Variants in XKR4 observed in about 807,000 individuals in gnomAD.
XKR4 encodes the protein XK related 4.
Under a neutral mutation model 53.9 loss-of-function variants are expected in XKR4, and 12 were observed. The observed-to-expected ratio is 0.22, with a 90% confidence interval of 0.14 to 0.36. The LOEUF (loss-of-function observed/expected upper bound fraction) is 0.36. Ranked by LOEUF, XKR4 falls within the 10% of genes least tolerant of loss-of-function variation. The pLI is 1.00. For synonymous variants in XKR4, 354 were observed against 362.4 expected, an observed-to-expected ratio of 0.98 and a Z score of 0.26; for missense variants, 799 against 859.5, an observed-to-expected ratio of 0.93 and a Z score of 0.88.
At chr8:55,234,289 A>G (rs1026118418) in intron 1 of XKR4, among the ~76,000 whole-genome samples, 3 of 152,348 alleles carry the variant, frequency 2.0e-5, no homozygotes, top group Middle Eastern at 3.4e-3. Context: ...AAAGTAGTGC[A>G]AAATCAGATT....
intron 1 of XKR4, among the ~76,000 whole-genome samples, chr8:55,295,810 A>G (rs1003580842): frequency 6.8e-6 from 1 of 147,732 alleles, no homozygotes; most frequent in African/African-American, 2.7e-5. Context: ...TGACGAGCTT[A>G]TAAATGGGGG....
At chr8:55,447,377 A>C (rs2129395693) in intron 2 of XKR4, among the ~76,000 whole-genome samples, 1 of 152,304 alleles carries the variant, frequency 6.6e-6, no homozygotes, top group Admixed American at 6.5e-5. Context: ...CTCTTGGTAG[A>C]TGGACACTAC....
chr8:55,330,061 A>C (rs901505016), intron 1 of XKR4, among the ~76,000 whole-genome samples: 4 of 152,168 alleles, frequency 2.6e-5, no homozygotes, highest in African/African-American at 9.7e-5. Context: ...AAATATAAGG[A>C]GTGTCATCAT....
chr8:55,367,855 C>T, intron 2 of XKR4, among the ~76,000 whole-genome samples: 1 of 152,190 alleles, frequency 6.6e-6, no homozygotes, highest in Non-Finnish European at 1.5e-5. Context: ...TCTCCAAACA[C>T]CAGCTCAGTT....
intron 2 of XKR4, among the ~76,000 whole-genome samples, chr8:55,402,086 A>G (rs1804609327): frequency 2.0e-5 from 3 of 152,224 alleles, no homozygotes; most frequent in Admixed American, 2.0e-4. Context: ...ATCTGTTGCA[A>G]TAGCAGTAGG....
chr8:55,462,265 CA>C, intron 2 of XKR4, among the ~76,000 whole-genome samples: 1 of 152,366 alleles, frequency 6.6e-6, no homozygotes, highest in Non-Finnish European at 1.5e-5. Context: ...ATCAGACTAA[CA>C]GCTGATAGCT....
chr8:55,229,724 A>G (rs576679768), intron 1 of XKR4, among the ~76,000 whole-genome samples: 1 of 151,918 alleles, frequency 6.6e-6, no homozygotes, highest in South Asian at 2.1e-4. Flanking sequence ...TCTTGCGTCT[A>G]CTACATTTAT....
chr8:55,376,098 A>G (rs1804148446), intron 2 of XKR4, among the ~76,000 whole-genome samples: 1 of 152,206 alleles, frequency 6.6e-6, no homozygotes, highest in South Asian at 2.1e-4. Context: ...CATGGTGTGT[A>G]TGTACCACAT....
chr8:55,446,992 G>C (rs1233059828), intron 2 of XKR4, among the ~76,000 whole-genome samples: 3 of 150,994 alleles, frequency 2.0e-5, no homozygotes, highest in African/African-American at 7.3e-5. Flanking sequence ...CCCTAGAGAA[G>C]TAACTTAGTC....
rs200468965 is a variant in XKR4, at chr8:55,336,121, A to C, written c.807-21557A>C. 4.6e-5 allele frequency among the ~76,000 whole-genome samples: 7 copies of C among 152,104 alleles called. No individual in the cohort carries two copies. In the East Asian group the frequency reaches 1.4e-3, roughly 29 times the overall value. On this transcript the variant is annotated intron_variant, in intron 1 of 2. Coordinates refer to ENST00000327381, the MANE Select transcript of XKR4 (RefSeq NM_052898.2). ...ATGGTTTGGCTGTGTCTCCACCCAA[A>C]TCTCATCTTAAATTGTAACTCCCAC...
At chr8:55,350,772 C>G (rs558525217) in intron 1 of XKR4, among the ~76,000 whole-genome samples, 1 of 134,440 alleles carries the variant, frequency 7.4e-6, no homozygotes, top group African/African-American at 2.8e-5. Flanking sequence ...CAGAGTCTTG[C>G]TCTGTCACCC....
intron 2 of XKR4, chr8:55,452,241 T>G (rs1177172460): frequency 1.5e-6 from 1 of 649,664 alleles, no homozygotes; most frequent in African/African-American, 1.8e-5. Flanking sequence ...GGAGCGCAGC[T>G]GCAGCCCGTC....
chr8:55,412,964 G>A (rs1200787974), intron 2 of XKR4, among the ~76,000 whole-genome samples: 1 of 152,164 alleles, frequency 6.6e-6, no homozygotes, highest in Non-Finnish European at 1.5e-5. Flanking sequence ...CCAGCAGAAC[G>A]ATCCTCATGT....
At chr8:55,253,427 G>C (rs1232275242) in intron 1 of XKR4, among the ~76,000 whole-genome samples, 1 of 152,080 alleles carries the variant, frequency 6.6e-6, no homozygotes, top group East Asian at 1.9e-4. Flanking sequence ...TTTCTACTGG[G>C]TTTATTTTTA....
chr8:55,472,804 T>TG (rs1305309530), intron 2 of XKR4, among the ~76,000 whole-genome samples: 4 of 152,060 alleles, frequency 2.6e-5, no homozygotes, highest in South Asian at 4.1e-4. Context: ...TGAAGAATAA[T>TG]GGGGGGTGAG....
intron 2 of XKR4, among the ~76,000 whole-genome samples, chr8:55,365,794 TGAAATCAG>T (rs926464305): frequency 6.6e-6 from 1 of 151,362 alleles, no homozygotes; most frequent in African/African-American, 2.4e-5. Context: ...GTGATGCTCA[TGAAATCAG>T]GAGATTCGTA....
intron 1 of XKR4, among the ~76,000 whole-genome samples, chr8:55,297,950 C>T (rs563826351): frequency 1.3e-5 from 2 of 152,258 alleles, no homozygotes; most frequent in African/African-American, 4.8e-5. Context: ...ATGTAAAGTT[C>T]CATCAGCAAT....
intron 1 of XKR4, among the ~76,000 whole-genome samples, chr8:55,295,954 T>C (rs1435370364): frequency 6.6e-6 from 1 of 152,236 alleles, no homozygotes; most frequent in Non-Finnish European, 1.5e-5. Flanking sequence ...TAGTATTTCA[T>C]AGACTAACAG....
intron 2 of XKR4, among the ~76,000 whole-genome samples, chr8:55,412,210 C>T (rs1804787593): frequency 6.6e-6 from 1 of 152,022 alleles, no homozygotes; most frequent in Admixed American, 6.6e-5. Flanking sequence ...GGACTGAGCC[C>T]AAAACCAACC....
Sources: allele counts gnomAD v4.1 joint callset (sites outside exome capture counted in the v4.1 genomes callset), GRCh38; gene constraint gnomAD v4.1.1; transcripts MANE v1.5; gene names NCBI Gene and HGNC (gene_info 2026-07-23, HGNC 2026-07-21).